The following RANBP2 variants were observed in gnomAD, a reference collection of about 807,000 sequenced individuals.
The protein encoded by RANBP2 is E3 SUMO-protein ligase RanBP2.
RANBP2 carries 57 observed loss-of-function variants against 303.6 expected under a neutral mutation model. That is an observed-to-expected ratio of 0.19 (90% CI 0.15 to 0.23). RANBP2 has a LOEUF of 0.23. Ranked by LOEUF, RANBP2 falls within the 10% of genes least tolerant of loss-of-function variation. The probability of loss-of-function intolerance (pLI) is 1.00; values close to 1 mark genes in which losing one functional copy is unlikely to be tolerated. For synonymous variants in RANBP2, 1,167 were observed against 1,301.5 expected, an observed-to-expected ratio of 0.90 and a Z score of 2.23; for missense variants, 3,138 against 3,780.8, an observed-to-expected ratio of 0.83 and a Z score of 4.46.
the RANBP2 span, among the ~76,000 whole-genome samples, chr2:109,633,595 C>T: frequency 2.0e-5 from 3 of 152,080 alleles, no homozygotes; most frequent in East Asian, 1.9e-4. Flanking sequence ...TCCAGCAGGA[C>T]CTGCCATTGC....
At chr2:109,293,999 C>T in the RANBP2 span, among the ~76,000 whole-genome samples, 16 of 152,172 alleles carry the variant, frequency 1.1e-4, no homozygotes, top group Admixed American at 1.0e-3. Flanking sequence ...CAGTGCTTGG[C>T]CGAGCAGCTG....
the RANBP2 span, among the ~76,000 whole-genome samples, chr2:108,987,727 C>T: frequency 6.6e-6 from 1 of 152,194 alleles, no homozygotes; most frequent in Non-Finnish European, 1.5e-5. Flanking sequence ...CGGCCAATCG[C>T]CACCAGGATC....
the RANBP2 span, among the ~76,000 whole-genome samples, chr2:109,471,563 A>AC: frequency 2.6e-5 from 4 of 152,186 alleles, no homozygotes; most frequent in Non-Finnish European, 5.9e-5. Context: ...GAGCCAAACC[A>AC]TATCAGTCAG....
intron 18 of RANBP2, among the ~76,000 whole-genome samples, chr2:108,760,718 C>A (rs1402794847): frequency 6.6e-6 from 1 of 152,062 alleles, no homozygotes; most frequent in Non-Finnish European, 1.5e-5. Context: ...AACGTGGGTA[C>A]CTCCCAGTTG....
chr2:109,600,120 G>A, the RANBP2 span, among the ~76,000 whole-genome samples: 45 of 152,302 alleles, frequency 3.0e-4, no homozygotes, highest in Non-Finnish European at 4.6e-4. Context: ...ACTGGGCACA[G>A]TAGGGATGTC....
the RANBP2 span, among the ~76,000 whole-genome samples, chr2:109,027,112 C>T: frequency 5.3e-3 from 808 of 152,040 alleles, 7 homozygotes; most frequent in African/African-American, 0.018. Context: ...CGTGGTGGTT[C>T]GCACCTGTAA....
chr2:109,038,857 T>G, the RANBP2 span, among the ~76,000 whole-genome samples: 2 of 152,358 alleles, frequency 1.3e-5, no homozygotes, highest in East Asian at 3.9e-4. Flanking sequence ...CTTTTTAATT[T>G]TAGACATTCT....
the RANBP2 span, among the ~76,000 whole-genome samples, chr2:109,579,487 G>T: frequency 1.1e-4 from 16 of 151,470 alleles, no homozygotes; most frequent in African/African-American, 3.6e-4. Context: ...GGGTTCAAGT[G>T]GTTCTCCTGC....
the RANBP2 span, among the ~76,000 whole-genome samples, chr2:108,844,132 A>T: frequency 0.018 from 2,665 of 151,774 alleles, 67 homozygotes; most frequent in African/African-American, 0.062. Flanking sequence ...AAGTGCCGGG[A>T]GTGCAACCGT....
the RANBP2 span, among the ~76,000 whole-genome samples, chr2:108,815,461 G>GTTTT: frequency 0.015 from 1,058 of 70,720 alleles, 15 homozygotes; most frequent in East Asian, 0.021. Context: ...GGTTTTTGGT[G>GTTTT]TTTTTTTTTT....
the RANBP2 span, among the ~76,000 whole-genome samples, chr2:108,994,830 C>CTTT: frequency 4.1e-3 from 23 of 5,588 alleles, no homozygotes; most frequent in African/African-American, 0.015. Context: ...ATATATATAT[C>CTTT]TTTTTTTTTT....
the RANBP2 span, among the ~76,000 whole-genome samples, chr2:109,093,119 T>C: frequency 6.6e-6 from 1 of 152,328 alleles, no homozygotes; most frequent in East Asian, 1.9e-4. Context: ...AAAAGTTATC[T>C]TGAGCAGTTA....
the RANBP2 span, chr2:109,616,194 T>TG: frequency 1.2e-3 from 1,679 of 1,350,610 alleles, 2 homozygotes; most frequent in Non-Finnish European, 1.5e-3. Flanking sequence ...TCGGAATGGA[T>TG]GGGGCGGAGT....
chr2:109,247,586 C>T, the RANBP2 span, among the ~76,000 whole-genome samples: 2 of 152,184 alleles, frequency 1.3e-5, no homozygotes, highest in African/African-American at 4.8e-5. Flanking sequence ...TTACACTTGG[C>T]GACTTCTCTT....
the RANBP2 span, among the ~76,000 whole-genome samples, chr2:108,827,008 A>C: frequency 6.6e-6 from 1 of 152,198 alleles, no homozygotes; most frequent in Admixed American, 6.5e-5. Context: ...TGATGTCAAA[A>C]ATAGAATCAT....
At chr2:109,425,078 G>C in the RANBP2 span, among the ~76,000 whole-genome samples, 27 of 152,220 alleles carry the variant, frequency 1.8e-4, no homozygotes, top group Non-Finnish European at 3.2e-4. Flanking sequence ...TGCTGATACG[G>C]AGAATGTTTG....
the RANBP2 span, among the ~76,000 whole-genome samples, chr2:109,068,407 CTG>C: frequency 6.6e-6 from 1 of 152,218 alleles, no homozygotes; most frequent in East Asian, 1.9e-4. Flanking sequence ...CGCATCCAGA[CTG>C]TAAGCCGTCT....
chr2:109,371,384 C>T, the RANBP2 span, among the ~76,000 whole-genome samples: 906 of 152,268 alleles, frequency 6.0e-3, 6 homozygotes, highest in African/African-American at 0.02. Context: ...AGCGAGACTC[C>T]GCCCCTCCCT....
At chr2:109,704,181 C>A in the RANBP2 span, among the ~76,000 whole-genome samples, 2,558 of 152,292 alleles carry the variant, frequency 0.017, 75 homozygotes, top group African/African-American at 0.058. Flanking sequence ...TTGAACAGAG[C>A]TGCTCAGCAG....
Sources: allele counts gnomAD v4.1 joint callset (sites outside exome capture counted in the v4.1 genomes callset), GRCh38; gene constraint gnomAD v4.1.1; transcripts MANE v1.5; gene names NCBI Gene and HGNC (gene_info 2026-07-23, HGNC 2026-07-21).